The following PPM1L variants were observed in gnomAD, a reference collection of about 807,000 sequenced individuals.
PPM1L encodes the protein protein phosphatase 1L.
A neutral mutation model predicts 31.4 loss-of-function variants in PPM1L; 13 were observed. The ratio of observed to expected loss-of-function variants is 0.41; its 90% confidence interval spans 0.27 to 0.66. The LOEUF is 0.66. Ranked by LOEUF, PPM1L falls within the 30% of genes least tolerant of loss-of-function variation. The pLI, the probability that PPM1L is intolerant of heterozygous loss-of-function variation, is 0.29. For missense variants in PPM1L, 326 were observed against 453.7 expected, an observed-to-expected ratio of 0.72 and a Z score of 2.56; for synonymous variants, 184 against 175.4, an observed-to-expected ratio of 1.05 and a Z score of -0.39.
chr3:160,961,618 G>T, intron 1 of PPM1L, 118 bp from the exon 2 acceptor site: 1 of 720,136 alleles, frequency 1.4e-6, no homozygotes, highest in Non-Finnish European at 2.1e-6. Flanking sequence ...GGACATGCTT[G>T]TCTGGAGGGT....
rs1001054576 is a variant in PPM1L at position 161,075,179 on chromosome 3, T to A, written c.*6022T>A. 6.6e-6 allele frequency: 1 copy of A among 152,196 alleles called. No homozygotes were observed. The highest frequency in any genetic ancestry group is 1.5e-5 in the Non-Finnish European group (1 of 68,050). 9.4% of individuals were successfully genotyped at this position (152,196 alleles called of 1,614,324 possible). On this transcript the variant is annotated 3_prime_UTR_variant, in exon 4 of 4. Transcript: ENST00000498165. ...AGTTCATAAATTAAATATGATATCA[T>A]GCATTATCTCAAAATATTTCTATAT...
chr3:160,851,690 T>TAAAG (rs1711529362), intron 1 of PPM1L, among the ~76,000 whole-genome samples: 1 of 151,824 alleles, frequency 6.6e-6, no homozygotes, highest in Non-Finnish European at 1.5e-5. Context: ...ATGCCTTGAG[T>TAAAG]AAAGCACTTA....
rs141129191 is a variant in PPM1L at position 160,994,483 on chromosome 3, G to A, written c.574+32573G>A. ...GGGGCCTCGATCCCCTGTACAGCCTGTGTTCCATGGGACAGCCTGGGGGCT... is the reference window on the plus strand; with the variant it reads ...GGGGCCTCGATCCCCTGTACAGCCTATGTTCCATGGGACAGCCTGGGGGCT... On this transcript the variant is annotated intron_variant, in intron 2 of 3. Transcript: ENST00000498165. Among the ~76,000 whole-genome samples the A allele has an allele frequency of 2.3e-3, 355 of 152,338 alleles. 2 individuals carry two copies. The highest frequency in any genetic ancestry group is 0.01 in the Middle Eastern group (3 of 294).
chr3:160,939,487 C>T (rs1241848654), intron 1 of PPM1L, among the ~76,000 whole-genome samples: 3 of 152,166 alleles, frequency 2.0e-5, no homozygotes, highest in African/African-American at 7.2e-5. Context: ...TGAGTTGTAT[C>T]TCCCAGAATT....
chr3:160,938,911 A>T (rs573505886), intron 1 of PPM1L, among the ~76,000 whole-genome samples: 1 of 152,152 alleles, frequency 6.6e-6, no homozygotes, highest in Non-Finnish European at 1.5e-5. Flanking sequence ...AGCATGCCTT[A>T]CCCACTTCTA....
At chr3:160,881,179 T>G (rs1712699059) in intron 1 of PPM1L, among the ~76,000 whole-genome samples, 1 of 152,238 alleles carries the variant, frequency 6.6e-6, no homozygotes, top group South Asian at 2.1e-4. Flanking sequence ...TGTACTATTA[T>G]GCTGCAAAGA....
At chr3:160,986,206 G>A (rs985940215) in intron 2 of PPM1L, among the ~76,000 whole-genome samples, 2 of 152,194 alleles carry the variant, frequency 1.3e-5, no homozygotes, top group African/African-American at 4.8e-5. Flanking sequence ...CTCACAGAGA[G>A]CCATCTGGTA....
chr3:161,020,997 T>G (rs952476170), intron 2 of PPM1L, among the ~76,000 whole-genome samples: 3 of 152,018 alleles, frequency 2.0e-5, no homozygotes, highest in Non-Finnish European at 4.4e-5. Context: ...TCAACTTTGG[T>G]GATCTTTTTT....
At chr3:161,010,357 T>C (rs1004209983) in intron 2 of PPM1L, among the ~76,000 whole-genome samples, 2 of 152,262 alleles carry the variant, frequency 1.3e-5, no homozygotes, top group East Asian at 3.9e-4. Flanking sequence ...CTGCATAGTA[T>C]TCCATTTATG....
At chr3:160,922,338 G>A (rs1185969568) in intron 1 of PPM1L, among the ~76,000 whole-genome samples, 1 of 152,122 alleles carries the variant, frequency 6.6e-6, no homozygotes, top group Non-Finnish European at 1.5e-5. Context: ...TATTCCTGCT[G>A]ACTAGATTCC....
At chr3:160,773,887 C>T (rs1230616358) in intron 1 of PPM1L, among the ~76,000 whole-genome samples, 1 of 152,102 alleles carries the variant, frequency 6.6e-6, no homozygotes, top group Non-Finnish European at 1.5e-5. Flanking sequence ...CTATGTTTCT[C>T]TGCTCCTTCT....
In PPM1L at chr3:160,853,659, G is replaced by T. The variant is rs529897936; in HGVS notation, c.399+96952G>T. Reference sequence around the variant, plus strand: ...ATTGAATAATAAGGGGTACATTTGGGTTATACTGAATGAGTGTTGAAAATG... The same window carrying T: ...ATTGAATAATAAGGGGTACATTTGGTTTATACTGAATGAGTGTTGAAAATG... On this transcript the variant is annotated intron_variant, in intron 1 of 3. Coordinates refer to ENST00000498165, the MANE Select transcript of PPM1L (RefSeq NM_139245.4). 1.5e-4 allele frequency among the ~76,000 whole-genome samples: 22 copies of T among 151,630 alleles called. 1 individual carries two copies. The highest frequency in any genetic ancestry group is 1.8e-4 in the Non-Finnish European group (12 of 67,968).
chr3:160,823,849 G>A (rs1331326521), intron 1 of PPM1L, among the ~76,000 whole-genome samples: 1 of 152,090 alleles, frequency 6.6e-6, no homozygotes, highest in African/African-American at 2.4e-5. Context: ...AGGCAGTCTT[G>A]ACTCCAGAGC....
intron 2 of PPM1L, among the ~76,000 whole-genome samples, chr3:160,975,532 A>C (rs1337078538): frequency 6.6e-6 from 1 of 152,034 alleles, no homozygotes; most frequent in Non-Finnish European, 1.5e-5. Context: ...ATTTGTTTGT[A>C]TCCTTTTTTA....
rs867521691 is a variant in PPM1L, at chr3:160,756,789, G to GTGTGTA, written c.399+83_399+84insGTGTAT. ...TGTGTGTGTGTGTGTGTGTGTGTGT[G>GTGTGTA]TATAAACAACAGGACAGCGTGTGCG... On this transcript the variant is annotated intron_variant, in intron 1 of 3. Transcript: ENST00000498165. The surrounding 1 kb of genome is among the most constrained non-coding windows in gnomAD (Gnocchi z 6.2). The GTGTGTA allele has an allele frequency of 4.7e-6, 6 of 1,285,830 alleles. No homozygotes were observed. In the East Asian group the frequency reaches 7.5e-5, roughly 16 times the overall value. 79.7% of individuals were successfully genotyped at this position (1,285,830 alleles called of 1,614,324 possible).
chr3:160,957,825 C>T (rs1230274478), intron 1 of PPM1L, among the ~76,000 whole-genome samples: 1 of 152,166 alleles, frequency 6.6e-6, no homozygotes, highest in Non-Finnish European at 1.5e-5. Context: ...ATCCGCCCGC[C>T]TCAGCCTCCT....
chr3:160,762,154 T>C (rs1421653666), intron 1 of PPM1L, among the ~76,000 whole-genome samples: 1 of 152,252 alleles, frequency 6.6e-6, no homozygotes, highest in Admixed American at 6.5e-5. Flanking sequence ...TGATCTGCTT[T>C]TCAGACATTA....
intron 1 of PPM1L, among the ~76,000 whole-genome samples, chr3:160,828,188 C>T (rs1462106292): frequency 6.6e-6 from 1 of 152,006 alleles, no homozygotes; most frequent in African/African-American, 2.4e-5. Context: ...CTTCTTGGTG[C>T]TATCTGTGTA....
rs926868240 is a variant in PPM1L, at chr3:160,903,145, C to T, written c.400-58591C>T. Reference sequence around the variant, plus strand: ...TAGTAGCTGTGTCAGTCAGGGTTGTCCAAAGAAATAGAAGCAATAGTGTGT... The same window carrying T: ...TAGTAGCTGTGTCAGTCAGGGTTGTTCAAAGAAATAGAAGCAATAGTGTGT... On this transcript the variant is annotated intron_variant, in intron 1 of 3. Transcript: ENST00000498165. Among the ~76,000 whole-genome samples the T allele has an allele frequency of 9.1e-5, 11 of 121,332 alleles. No homozygotes were observed. In the Admixed American group the frequency reaches 9.4e-4, roughly 10 times the overall value. 79.6% of individuals were successfully genotyped at this position (121,332 alleles called of 152,430 possible). A position where few individuals can be genotyped will look rare whatever the true frequency, so the allele number is the denominator to read the frequency against.
Sources: allele counts gnomAD v4.1 joint callset (sites outside exome capture counted in the v4.1 genomes callset), GRCh38; gene constraint gnomAD v4.1.1; non-coding constraint Gnocchi (gnomAD v3.1); transcripts MANE v1.5; gene names NCBI Gene and HGNC (gene_info 2026-07-23, HGNC 2026-07-21).